EPHA7: variants seen among roughly 807,000 people sequenced by gnomAD.
The protein encoded by EPHA7 is ephrin type-A receptor 7.
Under a neutral mutation model 112.6 loss-of-function variants are expected in EPHA7, and 25 were observed. The observed-to-expected ratio is 0.22, with a 90% CI of 0.16 to 0.31. The LOEUF is 0.31. EPHA7 is among the 10% of genes least tolerant of loss of function. EPHA7 has a pLI of 1.00. For missense variants in EPHA7, 962 were observed against 1,212.6 expected (o/e 0.79, Z 3.07); for synonymous variants, 437 against 406.5 (o/e 1.07, Z -0.90).
intron 3 of EPHA7, among the ~76,000 whole-genome samples, chr6:93,370,694 C>T (rs2127959554): frequency 6.6e-6 from 1 of 152,222 alleles, no homozygotes. Context: ...TTTCATATGT[C>T]TCTAAGACAT....
intron 3 of EPHA7, among the ~76,000 whole-genome samples, chr6:93,383,189 G>A (rs1337624779): frequency 6.6e-6 from 1 of 151,780 alleles, no homozygotes; most frequent in Non-Finnish European, 1.5e-5. Flanking sequence ...TGTAGTGTGT[G>A]TGTGTGTATA....
At chr6:93,357,925 G>T (rs1160031168) in intron 4 of EPHA7, among the ~76,000 whole-genome samples, 2 of 152,088 alleles carry the variant, frequency 1.3e-5, no homozygotes, top group Non-Finnish European at 2.9e-5. Context: ...CTCCCAAAGT[G>T]CTGGGATTAC....
At chr6:93,249,465 C>G (rs1297196555) in intron 14 of EPHA7, among the ~76,000 whole-genome samples, 5 of 152,034 alleles carry the variant, frequency 3.3e-5, no homozygotes, top group African/African-American at 1.2e-4. Context: ...AATAAATAAA[C>G]TAATAACTTC....
intron 3 of EPHA7, among the ~76,000 whole-genome samples, chr6:93,359,250 T>C (rs1235877804): frequency 1.3e-5 from 2 of 152,118 alleles, no homozygotes; most frequent in Admixed American, 1.3e-4. Flanking sequence ...TTAGATTCTA[T>C]AATTAAATCC....
At chr6:93,246,678 AGTTTATAC>A (rs1292458197) in intron 15 of EPHA7, 106 bp downstream of exon 15, 4 of 803,118 alleles carry the variant, frequency 5.0e-6, no homozygotes, top group Non-Finnish European at 7.7e-6. Context: ...ATTTAATATG[AGTTTATAC>A]GTCAACACAA....
intron 5 of EPHA7, among the ~76,000 whole-genome samples, chr6:93,275,600 A>G (rs1431428402): frequency 1.4e-5 from 1 of 73,076 alleles, no homozygotes; most frequent in Non-Finnish European, 3.0e-5. Flanking sequence ...ACAAATGACA[A>G]TGACAAGAAG....
chr6:93,368,749 G>C (rs1027595331), intron 3 of EPHA7, among the ~76,000 whole-genome samples: 2 of 152,080 alleles, frequency 1.3e-5, no homozygotes, highest in Admixed American at 1.3e-4. Context: ...TTCACTATCA[G>C]TTTTCTGCGA....
chr6:93,348,060 G>A (rs1029827099), intron 5 of EPHA7, among the ~76,000 whole-genome samples: 2 of 151,794 alleles, frequency 1.3e-5, no homozygotes, highest in East Asian at 3.9e-4. Context: ...ACAGTATGCA[G>A]ATCAACTTGT....
intron 5 of EPHA7, among the ~76,000 whole-genome samples, chr6:93,285,010 G>T (rs1771991384): frequency 6.6e-6 from 1 of 152,024 alleles, no homozygotes; most frequent in Admixed American, 6.6e-5. Flanking sequence ...AAAAAGTACA[G>T]TTAAAAAACT....
rs758848197 is a variant in EPHA7, at chr6:93,343,652, T to C, written c.1324+13065A>G. On this transcript the variant is annotated intron_variant, in intron 5 of 16. Transcript: ENST00000369303. ...CCAGCCAAACTATAAAGTAAACTGTTCATGATTTGTCAGATTAGCTGATGC... is the reference window on the plus strand; with the variant it reads ...CCAGCCAAACTATAAAGTAAACTGTCCATGATTTGTCAGATTAGCTGATGC... 4.4e-4 allele frequency among the ~76,000 whole-genome samples: 66 copies of C among 151,662 alleles called. 1 individual carries two copies. The highest frequency in any genetic ancestry group is 8.6e-4 in the Admixed American group (13 of 15,156).
intron 9 of EPHA7, among the ~76,000 whole-genome samples, chr6:93,262,797 G>A (rs1033336746): frequency 1.3e-5 from 2 of 151,090 alleles, no homozygotes; most frequent in African/African-American, 4.8e-5. Context: ...TACAATTTGT[G>A]TATTTAAACC....
At chr6:93,281,552 C>A (rs952745499) in intron 5 of EPHA7, among the ~76,000 whole-genome samples, 1 of 152,086 alleles carries the variant, frequency 6.6e-6, no homozygotes, top group South Asian at 2.1e-4. Context: ...TAACAATAAA[C>A]CTTTAAGTAG....
intron 5 of EPHA7, among the ~76,000 whole-genome samples, chr6:93,304,645 A>C (rs559956558): frequency 1.2e-4 from 18 of 152,166 alleles, no homozygotes; most frequent in African/African-American, 3.6e-4. Flanking sequence ...ATAGGAGGAG[A>C]ATTCTTTCAA....
Position 93,245,469 on chromosome 6 carries a change from A to G in EPHA7, c.2727-16T>C. The stretch of plus-strand genomic sequence containing the variant: ...GCTTATTGGCCTAGATAAAAATGAA[A>G]CAGAAAAGCGAACATTATCCTGAAA... On this transcript the variant is annotated splice_polypyrimidine_tract_variant and intron_variant, in intron 15 of 16. Transcript: ENST00000369303. 10 of 1,602,368 alleles carry G rather than the reference A, an allele frequency of 6.2e-6. No individual in the cohort carries two copies. The highest frequency in any genetic ancestry group is 8.5e-6 in the Non-Finnish European group (10 of 1,176,858).
intron 14 of EPHA7, among the ~76,000 whole-genome samples, chr6:93,251,623 A>AAAT (rs1554167343): frequency 2.0e-5 from 3 of 150,888 alleles, no homozygotes; most frequent in Admixed American, 6.6e-5. Context: ...CTAGAAGAAA[A>AAAT]AAAATCTATA....
At chr6:93,322,012 G>C (rs1021004519) in intron 5 of EPHA7, among the ~76,000 whole-genome samples, 11 of 151,588 alleles carry the variant, frequency 7.3e-5, no homozygotes, top group African/African-American at 2.7e-4. Flanking sequence ...TTACGTTATA[G>C]AGCACTGTGA....
intron 3 of EPHA7, among the ~76,000 whole-genome samples, chr6:93,377,310 A>C: frequency 6.6e-6 from 1 of 152,166 alleles, no homozygotes; most frequent in East Asian, 1.9e-4. Context: ...AACAGGTATC[A>C]GTTTTACTTC....
chr6:93,398,185 C>T (rs1392723884), intron 3 of EPHA7, among the ~76,000 whole-genome samples: 1 of 151,958 alleles, frequency 6.6e-6, no homozygotes, highest in Non-Finnish European at 1.5e-5. Flanking sequence ...TATTGGTCTC[C>T]ATTTCTCTTT....
At position 93,257,517 on chromosome 6, in the gene EPHA7, G is replaced by A. The variant is rs749228043; in HGVS notation, c.2117C>T (p.Pro706Leu). The part of the protein sequence containing the change: ...HLEGVVTRGK[P>L]VMIVIEFMEN... ...CATGAACTCTATTACTATCATGACT[G>A]GTTTCCCTAAAATTAAAAAAAAAAA... is the stretch of plus-strand genomic sequence containing the variant. Residue 706 changes from proline (P) to leucine (L), a missense_variant, in exon 12 of 17, where the codon CCA (proline) becomes CTA (leucine). Around this residue, in one of 3 missense-constraint regions of EPHA7, gnomAD observed 746 missense variants for 889.2 expected, o/e 0.84. Coordinates refer to ENST00000369303, the MANE Select transcript of EPHA7 (RefSeq NM_004440.4). 6.2e-7 allele frequency: 1 copy of A among 1,608,032 alleles called. No individual in the cohort carries two copies.
Sources: allele counts gnomAD v4.1 joint callset (sites outside exome capture counted in the v4.1 genomes callset), GRCh38; gene constraint gnomAD v4.1.1; regional missense constraint gnomAD v4.1.1; transcripts MANE v1.5; gene names NCBI Gene and HGNC (gene_info 2026-07-23, HGNC 2026-07-21).